Variants in SYT7 observed in about 807,000 individuals in gnomAD.
The protein encoded by SYT7 is synaptotagmin 7, also known as synaptotagmin-7.
A neutral mutation model predicts 75.1 loss-of-function variants in SYT7; 29 were observed. That is an observed-to-expected ratio of 0.39 (90% CI 0.29 to 0.53). The LOEUF is 0.53. Among genes scored for constraint, SYT7 ranks in the 20% least tolerant of loss-of-function variants. SYT7 has a pLI of 0.77. For synonymous variants in SYT7, 376 were observed against 401.7 expected (o/e 0.94, Z 0.76); for missense variants, 693 against 953.2 (o/e 0.73, Z 3.59).
upstream of SYT7, among the ~76,000 whole-genome samples, chr11:61,584,930 C>G (rs537600464): frequency 3.7e-4 from 57 of 152,340 alleles, no homozygotes; most frequent in African/African-American, 1.4e-3. Context: ...CGTTGCTGGT[C>G]CCCTGTCCTG....
At chr11:61,534,535 ACAGT>A (rs999110159) in intron 7 of SYT7, among the ~76,000 whole-genome samples, 154 of 152,158 alleles carry the variant, frequency 1.0e-3, no homozygotes, top group African/African-American at 3.5e-3. Context: ...GGCAGAGGCC[ACAGT>A]CAGGCCAACC....
At chr11:61,567,616 A>G (rs1565206247) in intron 1 of SYT7, among the ~76,000 whole-genome samples, 1 of 152,208 alleles carries the variant, frequency 6.6e-6, no homozygotes, top group Non-Finnish European at 1.5e-5. Flanking sequence ...TGAAGACCCC[A>G]GTCCTGACTC....
intron 1 of SYT7, among the ~76,000 whole-genome samples, chr11:61,578,123 G>A (rs762289598): frequency 2.0e-5 from 3 of 152,190 alleles, no homozygotes; most frequent in Non-Finnish European, 4.4e-5. Context: ...ATGGGAGGGG[G>A]CTGGTCTGGG....
intron 8 of SYT7, among the ~76,000 whole-genome samples, chr11:61,530,021 C>T (rs1489335558): frequency 2.0e-5 from 3 of 152,232 alleles, no homozygotes; most frequent in African/African-American, 7.2e-5. Context: ...TCCTCACTGA[C>T]CTCTTACAAC....
At chr11:61,579,720 G>A (rs1016226872) in intron 1 of SYT7, among the ~76,000 whole-genome samples, 36 of 152,216 alleles carry the variant, frequency 2.4e-4, no homozygotes, top group Admixed American at 2.0e-4. Context: ...CTACAGCACC[G>A]CCGCCCCCAG....
chr11:61,538,356 A>T, intron 6 of SYT7, 90 bp from the exon 7 acceptor site: 1 of 703,312 alleles, frequency 1.4e-6, no homozygotes, highest in East Asian at 3.2e-5. Context: ...GGAGAGAGAG[A>T]GAGAGAGAGA....
In SYT7 at chr11:61,580,878, G is replaced by A; in HGVS notation, c.-58C>T. The A allele has an allele frequency of 8.6e-7, 1 of 1,156,964 alleles. No homozygotes were observed. The highest frequency in any genetic ancestry group is 1.1e-6 in the Non-Finnish European group (1 of 941,024). The allele number at this position is 1,156,964 out of a possible 1,614,324, so 71.7% of individuals were successfully genotyped here. A position where few individuals can be genotyped will look rare whatever the true frequency, so the allele number is the denominator to read the frequency against. ...TCAGAGCCGCCCGCGGCCGCGCGCT[G>A]CTCCGCCGCCGCCGCTGGGCATGGG... On this transcript the variant is annotated 5_prime_UTR_variant, in exon 1 of 13. Coordinates refer to ENST00000539008, the MANE Select transcript of SYT7 (RefSeq NM_001365809.2). This position sits in a 1 kb window ranked among gnomAD's most constrained non-coding sequence, Gnocchi z 6.1.
At chr11:61,574,276 CCATTTAA>C in intron 1 of SYT7, among the ~76,000 whole-genome samples, 1 of 152,144 alleles carries the variant, frequency 6.6e-6, no homozygotes, top group African/African-American at 2.4e-5. Flanking sequence ...ATCATCATAC[CCATTTAA>C]CAGAAGAGGA....
intron 8 of SYT7, among the ~76,000 whole-genome samples, chr11:61,530,412 G>A (rs1413357349): frequency 1.3e-5 from 2 of 152,192 alleles, no homozygotes; most frequent in Admixed American, 6.5e-5. Flanking sequence ...TTTTCCCGAC[G>A]CTCTTTTCCC....
chr11:61,575,475 C>T (rs977467843), intron 1 of SYT7, among the ~76,000 whole-genome samples: 3 of 152,206 alleles, frequency 2.0e-5, no homozygotes, highest in Non-Finnish European at 4.4e-5. Flanking sequence ...CAGACACATA[C>T]ACACATACTA....
intron 5 of SYT7, among the ~76,000 whole-genome samples, chr11:61,544,794 GTGTGGCTTCCC>G (rs2063139363): frequency 6.6e-6 from 1 of 152,208 alleles, no homozygotes; most frequent in Non-Finnish European, 1.5e-5. Flanking sequence ...CTGAAGGGGT[GTGTGGCTTCCC>G]TGTGGGACCC....
At position 61,531,891 on chromosome 11, in the gene SYT7, C is replaced by CAAAA. The variant is rs58242073; in HGVS notation, c.1200+1094_1200+1097dup. 9.9e-4 allele frequency among the ~76,000 whole-genome samples: 49 copies of CAAAA among 49,376 alleles called. 1 individual carries two copies. Among genetic ancestry groups the CAAAA allele is most frequent in the Middle Eastern group, 9.8e-3 (1 of 102 alleles). 32.4% of individuals were successfully genotyped at this position (49,376 alleles called of 152,430 possible). A position where few individuals can be genotyped will look rare whatever the true frequency, so the allele number is the denominator to read the frequency against. On this transcript the variant is annotated intron_variant, in intron 8 of 12. Transcript: ENST00000539008. ...CCTGGGGGACAGAGTGATTCTGTCTCAAAAAAAAAAAAAAAAAAAAAAAAG... is the reference window on the plus strand; with the variant it reads ...CCTGGGGGACAGAGTGATTCTGTCTCAAAAAAAAAAAAAAAAAAAAAAAAAAAAG...
chr11:61,582,260 C>T (rs2064295079), upstream of SYT7, among the ~76,000 whole-genome samples: 1 of 152,216 alleles, frequency 6.6e-6, no homozygotes, highest in Non-Finnish European at 1.5e-5. Flanking sequence ...TGGCAGCATC[C>T]TGCCCTCCCC....
At position 61,580,963 on chromosome 11, in the gene SYT7, C is replaced by T. The variant is rs1291434017; in HGVS notation, c.-143G>A. On this transcript the variant is annotated 5_prime_UTR_variant, in exon 1 of 13. Coordinates refer to ENST00000539008, the MANE Select transcript of SYT7 (RefSeq NM_001365809.2). The surrounding 1 kb of genome is among the most constrained non-coding windows in gnomAD (Gnocchi z 6.1). ...GGGCCGAGCGGGCTGCACCTAGCCG[C>T]GGAGCCGGGGAGCGGGGGCCGCCCG... 1.0e-6 allele frequency: 1 copy of T among 986,098 alleles called. No homozygotes were observed. The highest frequency in any genetic ancestry group is 1.2e-6 in the Non-Finnish European group (1 of 830,958). 61.1% of individuals were successfully genotyped at this position (986,098 alleles called of 1,614,324 possible).
In SYT7 at chr11:61,523,258, T is replaced by C. The variant is rs751715963; in HGVS notation, c.1773A>G (p.Val591=). The change falls in exon 12 of 13, where the codon GTA becomes GTG. Residue 591 remains valine (V), a synonymous_variant. Transcript: ENST00000539008. This position sits in a 1 kb window ranked among gnomAD's most constrained non-coding sequence, Gnocchi z 5.0. Reference sequence around the variant, plus strand: ...CCCGCTTGTCCTTGTACATCAGCCATACCTTCACGTAGGGGTCTAGGGGAG... The same window carrying C: ...CCCGCTTGTCCTTGTACATCAGCCACACCTTCACGTAGGGGTCTAGGGGAG... ...IGGTSDPYVK[V]WLMYKDKRVE... 5.6e-6 allele frequency: 9 copies of C among 1,614,134 alleles called. No individual in the cohort carries two copies. Among genetic ancestry groups the C allele is most frequent in the East Asian group, 4.5e-5 (2 of 44,872 alleles).
At chr11:61,528,732 C>T (rs935227023) in intron 8 of SYT7, among the ~76,000 whole-genome samples, 1 of 152,178 alleles carries the variant, frequency 6.6e-6, no homozygotes, top group African/African-American at 2.4e-5. Context: ...GGCAAGTTTT[C>T]AGGAGCAACG....
chr11:61,572,979 C>T (rs896352659), intron 1 of SYT7, among the ~76,000 whole-genome samples: 4 of 152,240 alleles, frequency 2.6e-5, no homozygotes, highest in East Asian at 1.9e-4. Flanking sequence ...AGTGTGAGGG[C>T]GTTTGCCTTG....
rs2062105269 is a variant in SYT7, at chr11:61,514,172, C to A, written c.*4455G>T. The stretch of plus-strand genomic sequence containing the variant: ...CCCGAGCCAGTGGCAAGGGACTGCC[C>A]CCTGTGCTGGGCCTGAGCTGTCTCT... On this transcript the variant is annotated 3_prime_UTR_variant, in exon 13 of 13. Transcript: ENST00000539008. Among the ~76,000 whole-genome samples, 1 of 152,180 alleles carries A rather than the reference C, an allele frequency of 6.6e-6. No individual in the cohort carries two copies. Among genetic ancestry groups the A allele is most frequent in the South Asian group, 2.1e-4 (1 of 4,824 alleles).
rs538529270 is a variant in SYT7 at position 61,514,288 on chromosome 11, C to G, written c.*4339G>C. 6.6e-6 allele frequency among the ~76,000 whole-genome samples: 1 copy of G among 152,328 alleles called. No homozygotes were observed. Among genetic ancestry groups the G allele is most frequent in the African/African-American group, 2.4e-5 (1 of 41,568 alleles). The stretch of plus-strand genomic sequence containing the variant: ...GGAGCCCCTGAGGCTACTTACCTGA[C>G]CCCGGGGCTTCCTCTGATCTCTGGA... On this transcript the variant is annotated 3_prime_UTR_variant, in exon 13 of 13. Transcript: ENST00000539008.
Sources: gnomAD v4.1 joint callset for allele counts (sites outside exome capture counted in the v4.1 genomes callset) on GRCh38, gnomAD v4.1.1 for gene constraint, Gnocchi (gnomAD v3.1) non-coding constraint, MANE v1.5 for transcripts, NCBI Gene and HGNC (gene_info 2026-07-23, HGNC 2026-07-21) for gene names.